The following NRXN3 variants were observed in gnomAD, a reference collection of about 807,000 sequenced individuals.
NRXN3 encodes neurexin III.
In NRXN3, 32 loss-of-function variants were observed where a neutral mutation model predicts 137.6. The ratio of observed to expected loss-of-function variants is 0.23; its 90% CI spans 0.18 to 0.31. The LOEUF (loss-of-function observed/expected upper bound fraction) is 0.31. Among genes scored for constraint, NRXN3 ranks in the 10% least tolerant of loss-of-function variants. The pLI is 1.00. For missense variants in NRXN3, 1,574 were observed against 2,062.5 expected (o/e 0.76, Z 4.59); for synonymous variants, 798 against 784.5 (o/e 1.02, Z -0.29).
chr14:79,074,110 A>G (rs2099692015), intron 15 of NRXN3, among the ~76,000 whole-genome samples: 1 of 152,204 alleles, frequency 6.6e-6, no homozygotes, highest in Non-Finnish European at 1.5e-5. Flanking sequence ...ATTAGTCATG[A>G]CTTATACATG....
chr14:79,374,185 C>T (rs1219446452), intron 15 of NRXN3, among the ~76,000 whole-genome samples: 1 of 152,128 alleles, frequency 6.6e-6, no homozygotes, highest in Non-Finnish European at 1.5e-5. Context: ...GCACTCAAAA[C>T]ATTTTATAAA....
chr14:78,496,274 A>C (rs2153760609), intron 4 of NRXN3, among the ~76,000 whole-genome samples: 1 of 152,326 alleles, frequency 6.6e-6, no homozygotes, highest in East Asian at 1.9e-4. Flanking sequence ...GGGGGAAAAA[A>C]ATAAAGGTCA....
intron 15 of NRXN3, among the ~76,000 whole-genome samples, chr14:79,283,004 A>T (rs576676853): frequency 6.6e-6 from 1 of 152,330 alleles, no homozygotes; most frequent in South Asian, 2.1e-4. Context: ...AACTAAAAGG[A>T]CCAGAAGACC....
At chr14:78,908,569 A>C (rs532299750) in intron 10 of NRXN3, among the ~76,000 whole-genome samples, 104 of 152,212 alleles carry the variant, frequency 6.8e-4, no homozygotes, top group Non-Finnish European at 1.2e-3. Context: ...AGAGGTCTTC[A>C]AAAAGTTCCT....
chr14:78,223,861 T>G (rs962203212), intron 1 of NRXN3, among the ~76,000 whole-genome samples: 1 of 152,184 alleles, frequency 6.6e-6, no homozygotes, highest in Non-Finnish European at 1.5e-5. Flanking sequence ...ACATTCTCAC[T>G]CTTTTGGATT....
chr14:78,827,951 A>G (rs2098971675), intron 10 of NRXN3, among the ~76,000 whole-genome samples: 2 of 152,170 alleles, frequency 1.3e-5, no homozygotes, highest in South Asian at 2.1e-4. Flanking sequence ...GAAGGCACAC[A>G]TTCATTGTGC....
At chr14:79,497,557 G>A (rs1359335058) in intron 16 of NRXN3, among the ~76,000 whole-genome samples, 9 of 152,006 alleles carry the variant, frequency 5.9e-5, no homozygotes, top group South Asian at 2.1e-4. Context: ...TTTACCATTA[G>A]CAATACTATT....
Position 78,645,271 on chromosome 14 carries a change from T to G in NRXN3, c.909T>G (p.Ala303=). ...NGLILHTGKS[A]DYVNLALKDG... is the part of the protein sequence containing the mutation. The stretch of plus-strand genomic sequence containing the variant: ...TCATCCTGCACACGGGCAAGTCGGC[T>G]GACTATGTCAACCTGGCTCTGAAGG... The change falls in exon 5 of 21, where the codon GCT becomes GCG. Residue 303 remains alanine, a synonymous_variant. Coordinates refer to ENST00000335750, the MANE Select transcript of NRXN3 (RefSeq NM_001330195.2). 6.3e-7 allele frequency: 1 copy of G among 1,598,914 alleles called. No individual in the cohort carries two copies. The highest frequency in any genetic ancestry group is 1.1e-5 in the South Asian group (1 of 91,054).
At chr14:78,843,301 A>G (rs1335559981) in intron 10 of NRXN3, among the ~76,000 whole-genome samples, 2 of 152,070 alleles carry the variant, frequency 1.3e-5, no homozygotes, top group African/African-American at 2.4e-5. Context: ...GCAACAATTT[A>G]TCATCTGTTT....
intron 4 of NRXN3, among the ~76,000 whole-genome samples, chr14:78,644,163 A>G (rs943632853): frequency 1.3e-5 from 2 of 151,800 alleles, no homozygotes; most frequent in Non-Finnish European, 2.9e-5. Context: ...AGGAAATAAA[A>G]AGAAGAAGAA....
intron 15 of NRXN3, among the ~76,000 whole-genome samples, chr14:78,993,325 G>A (rs1326284858): frequency 6.6e-6 from 1 of 152,178 alleles, no homozygotes; most frequent in Non-Finnish European, 1.5e-5. Flanking sequence ...GAAGGGGACA[G>A]ATATGTGTAT....
At chr14:79,271,988 C>G (rs1421841930) in intron 15 of NRXN3, among the ~76,000 whole-genome samples, 1 of 152,102 alleles carries the variant, frequency 6.6e-6, no homozygotes, top group Admixed American at 6.5e-5. Flanking sequence ...AGTCATATAG[C>G]CAGTGGACCC....
At chr14:78,304,579 ATT>A (rs899101666) in intron 4 of NRXN3, among the ~76,000 whole-genome samples, 2 of 152,152 alleles carry the variant, frequency 1.3e-5, no homozygotes, top group African/African-American at 4.8e-5. Context: ...TTGAGAGTAT[ATT>A]TTGGCCTTCT....
intron 16 of NRXN3, among the ~76,000 whole-genome samples, chr14:79,582,784 G>T (rs898125765): frequency 3.9e-5 from 6 of 152,040 alleles, no homozygotes; most frequent in Non-Finnish European, 8.8e-5. Context: ...AAGAATGAAG[G>T]AATAAATACA....
chr14:78,705,055 T>C (rs2098331887), intron 6 of NRXN3, among the ~76,000 whole-genome samples: 1 of 152,186 alleles, frequency 6.6e-6, no homozygotes, highest in Non-Finnish European at 1.5e-5. Context: ...TACAAGCCCA[T>C]GGGTGGGATA....
chr14:78,391,950 A>G (rs1348033508), intron 4 of NRXN3, among the ~76,000 whole-genome samples: 1 of 152,156 alleles, frequency 6.6e-6, no homozygotes, highest in Non-Finnish European at 1.5e-5. Flanking sequence ...CATCCCTTCA[A>G]ACCACAAAGA....
chr14:78,509,044 A>C (rs759338372), intron 4 of NRXN3, among the ~76,000 whole-genome samples: 1 of 152,152 alleles, frequency 6.6e-6, no homozygotes, highest in Non-Finnish European at 1.5e-5. Flanking sequence ...TCATGCTTGT[A>C]ATTCCAGCAC....
chr14:79,074,265 A>G (rs1439790639), intron 15 of NRXN3, among the ~76,000 whole-genome samples: 1 of 152,180 alleles, frequency 6.6e-6, no homozygotes, highest in Non-Finnish European at 1.5e-5. Context: ...TATTTGCCCA[A>G]TGTATTTCAA....
intron 7 of NRXN3, among the ~76,000 whole-genome samples, chr14:78,710,417 C>G (rs966128325): frequency 6.6e-5 from 10 of 152,168 alleles, no homozygotes; most frequent in African/African-American, 2.4e-4. Context: ...AATGCCTGGA[C>G]AGTCTGCCTA....
Sources: allele counts gnomAD v4.1 joint callset (sites outside exome capture counted in the v4.1 genomes callset), GRCh38; gene constraint gnomAD v4.1.1; transcripts MANE v1.5; gene names NCBI Gene and HGNC (gene_info 2026-07-23, HGNC 2026-07-21).